The following GLI3 variants were observed in gnomAD, a reference collection of about 807,000 sequenced individuals.
GLI3 encodes the protein transcription activator GLI3.
GLI3 carries 20 observed loss-of-function variants against 100.8 expected under a neutral mutation model. That is an observed-to-expected ratio of 0.20 (90% confidence interval 0.14 to 0.29). The LOEUF (loss-of-function observed/expected upper bound fraction) is 0.29, where lower values mean the gene tolerates loss of function less well. Ranked by LOEUF, GLI3 falls within the 10% of genes least tolerant of loss-of-function variation. The pLI is 1.00. For missense variants in GLI3, 2,040 were observed against 2,128.5 expected (o/e 0.96, Z 0.82); for synonymous variants, 938 against 860.5 (o/e 1.09, Z -1.58).
At chr7:42,215,119 C>T (rs953103163) in intron 2 of GLI3, among the ~76,000 whole-genome samples, 5 of 152,008 alleles carry the variant, frequency 3.3e-5, no homozygotes, top group African/African-American at 4.8e-5. Flanking sequence ...ACTGGGGACT[C>T]ACACCATATG....
At chr7:41,999,511 T>C (rs1788225734) in intron 10 of GLI3, among the ~76,000 whole-genome samples, 1 of 151,932 alleles carries the variant, frequency 6.6e-6, no homozygotes, top group Admixed American at 6.6e-5. Flanking sequence ...TCATCCAGGG[T>C]GGTTATTCTT....
intron 2 of GLI3, among the ~76,000 whole-genome samples, chr7:42,179,563 G>A (rs1037818779): frequency 1.3e-5 from 2 of 152,220 alleles, no homozygotes; most frequent in Non-Finnish European, 2.9e-5. Flanking sequence ...ACTGAGGGCT[G>A]TTGGTGCAAT....
chr7:42,168,745 C>T (rs1353983600), intron 2 of GLI3, among the ~76,000 whole-genome samples: 1 of 151,906 alleles, frequency 6.6e-6, no homozygotes, highest in Non-Finnish European at 1.5e-5. Flanking sequence ...GCAAGACCCC[C>T]ATCTCTAAAA....
chr7:41,998,876 G>A (rs976699956), intron 10 of GLI3, among the ~76,000 whole-genome samples: 2 of 152,160 alleles, frequency 1.3e-5, no homozygotes, highest in Non-Finnish European at 2.9e-5. Context: ...AAAAATATTA[G>A]TTTTCACCCC....
intron 2 of GLI3, among the ~76,000 whole-genome samples, chr7:42,188,874 G>A (rs527459541): frequency 4.6e-5 from 7 of 152,316 alleles, no homozygotes; most frequent in Non-Finnish European, 1.0e-4. Context: ...AGGGGATTTT[G>A]AAGGCAATAA....
rs1359282246 is a variant in GLI3, at chr7:41,961,284, A to C, written c.*3046T>G. 1 of 152,564 alleles carries C rather than the reference A, an allele frequency of 6.6e-6. No homozygotes were observed. The highest frequency in any genetic ancestry group is 1.5e-5 in the Non-Finnish European group (1 of 68,040). The allele number at this position is 152,564 out of a possible 1,614,324, so 9.5% of individuals were successfully genotyped here. A position where few individuals can be genotyped will look rare whatever the true frequency, so the allele number is the denominator to read the frequency against. On this transcript the variant is annotated 3_prime_UTR_variant, in exon 15 of 15. Transcript: ENST00000395925. The stretch of plus-strand genomic sequence containing the variant: ...CATGTCTGCAGGATACACAAGGGTA[A>C]CTTGTCAGAAGAGAACATCCTCCTA...
At chr7:42,209,049 A>AT (rs142953102) in intron 2 of GLI3, among the ~76,000 whole-genome samples, 6,908 of 150,314 alleles carry the variant, frequency 0.046, 200 homozygotes, top group Non-Finnish European at 0.068. Flanking sequence ...AATACTTGCA[A>AT]TTTTTTTTTT....
chr7:42,064,259 G>A (rs544887565), intron 4 of GLI3, among the ~76,000 whole-genome samples: 1 of 152,164 alleles, frequency 6.6e-6, no homozygotes, highest in East Asian at 1.9e-4. Flanking sequence ...GAATCCCCTT[G>A]TAAGTGTCCA....
chr7:42,202,352 A>AGT (rs1788060502), intron 2 of GLI3, among the ~76,000 whole-genome samples: 4 of 107,462 alleles, frequency 3.7e-5, no homozygotes, highest in Non-Finnish European at 7.6e-5. Flanking sequence ...TCTCTCACAC[A>AGT]CACACACACA....
chr7:42,186,616 C>T (rs545567702), intron 2 of GLI3, among the ~76,000 whole-genome samples: 19 of 152,282 alleles, frequency 1.2e-4, no homozygotes, highest in Non-Finnish European at 1.8e-4. Context: ...CACTATGGAA[C>T]GCAAAATTCA....
chr7:42,008,555 A>G (rs1583784122), intron 10 of GLI3, among the ~76,000 whole-genome samples: 1 of 152,138 alleles, frequency 6.6e-6, no homozygotes, highest in South Asian at 2.1e-4. Flanking sequence ...GTAATCCTCC[A>G]GCCTCAGCCT....
chr7:42,038,860 T>C (rs1411500179), intron 7 of GLI3, among the ~76,000 whole-genome samples: 2 of 152,198 alleles, frequency 1.3e-5, no homozygotes, highest in Non-Finnish European at 2.9e-5. Context: ...GCAAACACTT[T>C]TTTTTCTGAA....
At chr7:41,971,529 C>A (rs943897333) in intron 13 of GLI3, among the ~76,000 whole-genome samples, 7 of 152,142 alleles carry the variant, frequency 4.6e-5, no homozygotes, top group Non-Finnish European at 1.0e-4. Context: ...TTGAAAGAAG[C>A]TGAAAGAGTA....
chr7:42,128,305 CT>C (rs1333104217), intron 3 of GLI3, among the ~76,000 whole-genome samples: 1 of 151,194 alleles, frequency 6.6e-6, no homozygotes, highest in African/African-American at 2.4e-5. Flanking sequence ...TCATGTATTT[CT>C]ATTGAATACT....
intron 2 of GLI3, among the ~76,000 whole-genome samples, chr7:42,220,190 A>T (rs1430163725): frequency 6.6e-6 from 1 of 152,144 alleles, no homozygotes; most frequent in African/African-American, 2.4e-5. Context: ...TTATAAATGG[A>T]TATAGTTCAG....
chr7:42,242,577 CA>C (rs1378483116), upstream of GLI3, among the ~76,000 whole-genome samples: 2 of 152,116 alleles, frequency 1.3e-5, no homozygotes, highest in Admixed American at 6.5e-5. Context: ...ATTCAGTGCC[CA>C]ACCCCACTGA....
intron 2 of GLI3, among the ~76,000 whole-genome samples, chr7:42,217,104 G>C (rs1173875377): frequency 6.6e-6 from 1 of 152,180 alleles, no homozygotes; most frequent in Non-Finnish European, 1.5e-5. Context: ...ATTAGACAGA[G>C]GGTCATTTTA....
At chr7:41,968,037 G>A (rs970858044) in intron 13 of GLI3, 114 bp from the exon 14 acceptor site, 2 of 911,002 alleles carry the variant, frequency 2.2e-6, no homozygotes, top group Admixed American at 1.7e-5. Flanking sequence ...TTGGTTGAAT[G>A]AGAAGAAAAA....
chr7:42,164,132 T>C (rs994612205), intron 2 of GLI3, among the ~76,000 whole-genome samples: 1 of 152,184 alleles, frequency 6.6e-6, no homozygotes, highest in African/African-American at 2.4e-5. Context: ...AAATAATCAC[T>C]AGGACACATC....
Sources: allele counts gnomAD v4.1 joint callset (sites outside exome capture counted in the v4.1 genomes callset), GRCh38; gene constraint gnomAD v4.1.1; transcripts MANE v1.5; gene names NCBI Gene and HGNC (gene_info 2026-07-23, HGNC 2026-07-21).